The following AKAP6 variants were observed in gnomAD, a reference collection of about 807,000 sequenced individuals.
AKAP6 encodes the protein A-kinase anchoring protein 6.
A neutral mutation model predicts 188.5 loss-of-function variants in AKAP6; 58 were observed. That is an observed-to-expected ratio of 0.31 (90% CI 0.25 to 0.38). The LOEUF is 0.38. Ranked by LOEUF, AKAP6 falls within the 10% of genes least tolerant of loss-of-function variation. The probability of loss-of-function intolerance (pLI) is 1.00; values close to 1 mark genes in which losing one functional copy is unlikely to be tolerated. For missense variants in AKAP6, 2,710 were observed against 2,740.0 expected (o/e 0.99, Z 0.24); for synonymous variants, 989 against 998.6 (o/e 0.99, Z 0.18).
At chr14:32,683,674 C>T (rs1388434700) in intron 8 of AKAP6, among the ~76,000 whole-genome samples, 2 of 152,098 alleles carry the variant, frequency 1.3e-5, no homozygotes, top group African/African-American at 4.8e-5. Context: ...TGGAGGATGG[C>T]CCAGGGTCAG....
At chr14:32,598,678 C>T (rs1045163257) in intron 5 of AKAP6, among the ~76,000 whole-genome samples, 4 of 151,850 alleles carry the variant, frequency 2.6e-5, no homozygotes, top group African/African-American at 7.3e-5. Context: ...ATATAAGGAG[C>T]GGAGAGGGGG....
At chr14:32,828,507 T>A (rs1327044916) in intron 13 of AKAP6, among the ~76,000 whole-genome samples, 3 of 136,314 alleles carry the variant, frequency 2.2e-5, no homozygotes, top group Non-Finnish European at 3.1e-5. Context: ...CTATCATCTA[T>A]CTCTCTCTCT....
intron 7 of AKAP6, among the ~76,000 whole-genome samples, chr14:32,645,458 A>T (rs777259190): frequency 6.6e-6 from 1 of 152,084 alleles, no homozygotes; most frequent in South Asian, 2.1e-4. Flanking sequence ...TTTATTTATT[A>T]ATTTTTTACA....
chr14:32,672,683 G>GGCCA (rs1889261066), intron 7 of AKAP6, among the ~76,000 whole-genome samples: 1 of 151,968 alleles, frequency 6.6e-6, no homozygotes, highest in Non-Finnish European at 1.5e-5. Flanking sequence ...GGGGGTGAGG[G>GGCCA]GACATAATTC....
At position 32,824,201 on chromosome 14, in the gene AKAP6, G is replaced by A. The variant is rs1279261676; in HGVS notation, c.6388G>A (p.Glu2130Lys). 6.2e-7 allele frequency: 1 copy of A among 1,613,928 alleles called. No homozygotes were observed. The highest frequency in any genetic ancestry group is 1.1e-5 in the South Asian group (1 of 91,078). ...TTGTGGGGAGGTCACCAATTACATA[G>A]AAGAGAAAAGCAGCACTCCATTGCC... ...SDCGEVTNYI[E>K]EKSSTPLPLD... Residue 2130 changes from glutamate to lysine, a missense_variant, in exon 13 of 14, where the codon GAA becomes AAA. Around this residue, in one of 2 missense-constraint regions of AKAP6, gnomAD observed 2,473 missense variants for 2,426.1 expected, o/e 1.02. Coordinates refer to ENST00000280979, the MANE Select transcript of AKAP6 (RefSeq NM_004274.5).
At chr14:32,544,895 T>G (rs1047623246) in intron 3 of AKAP6, among the ~76,000 whole-genome samples, 2 of 152,204 alleles carry the variant, frequency 1.3e-5, no homozygotes, top group Non-Finnish European at 2.9e-5. Flanking sequence ...ATTGTATTAC[T>G]TAAGGCTTTG....
chr14:32,750,731 A>ATTTTTTTTTTTT (rs765897477), intron 11 of AKAP6, among the ~76,000 whole-genome samples: 2 of 93,572 alleles, frequency 2.1e-5, no homozygotes, highest in Non-Finnish European at 5.2e-5. Context: ...TCACTAAATT[A>ATTTTTTTTTTTT]ATTTTGTTTT....
chr14:32,561,594 T>G (rs1056442380), intron 4 of AKAP6, among the ~76,000 whole-genome samples: 1 of 152,192 alleles, frequency 6.6e-6, no homozygotes, highest in Non-Finnish European at 1.5e-5. Flanking sequence ...AAGATCCTAA[T>G]GGTAAGTGAA....
chr14:32,462,911 A>AG (rs1566517538), intron 2 of AKAP6, among the ~76,000 whole-genome samples: 1 of 130,828 alleles, frequency 7.6e-6, no homozygotes, highest in African/African-American at 3.3e-5. Context: ...CAAAAAAAAA[A>AG]AAAAAAAAAA....
intron 5 of AKAP6, among the ~76,000 whole-genome samples, chr14:32,583,432 G>C (rs904966593): frequency 6.6e-6 from 1 of 152,194 alleles, no homozygotes; most frequent in Non-Finnish European, 1.5e-5. Context: ...GCTGCTCGGG[G>C]GTCAGGGGTC....
At chr14:32,532,830 C>T (rs1882483089) in intron 2 of AKAP6, among the ~76,000 whole-genome samples, 1 of 152,078 alleles carries the variant, frequency 6.6e-6, no homozygotes, top group Non-Finnish European at 1.5e-5. Flanking sequence ...ACAGTGATAA[C>T]TATAGATGCT....
chr14:32,496,999 A>G (rs982560621), intron 2 of AKAP6, among the ~76,000 whole-genome samples: 1 of 152,122 alleles, frequency 6.6e-6, no homozygotes, highest in African/African-American at 2.4e-5. Context: ...AAAAGAACTT[A>G]TGTTTCTGCC....
intron 12 of AKAP6, among the ~76,000 whole-genome samples, chr14:32,793,203 A>C (rs1379274520): frequency 2.6e-5 from 4 of 152,220 alleles, no homozygotes; most frequent in Admixed American, 1.3e-4. Flanking sequence ...TAAATGGACT[A>C]AATGCCCCAA....
At chr14:32,742,483 T>C (rs1240415743) in intron 11 of AKAP6, among the ~76,000 whole-genome samples, 1 of 151,926 alleles carries the variant, frequency 6.6e-6, no homozygotes, top group Admixed American at 6.6e-5. Context: ...GTTTTTCCTC[T>C]TTTTTTGATG....
At chr14:32,579,838 C>T (rs754056920) in intron 5 of AKAP6, among the ~76,000 whole-genome samples, 5 of 151,990 alleles carry the variant, frequency 3.3e-5, no homozygotes, top group African/African-American at 7.2e-5. Flanking sequence ...TTTAGTTAAC[C>T]GTGCATAAGT....
chr14:32,674,995 G>A (rs80224053), intron 7 of AKAP6, among the ~76,000 whole-genome samples: 9,999 of 152,178 alleles, frequency 0.066, 774 homozygotes, highest in East Asian at 0.42. Context: ...CTAGACTACA[G>A]TAAGTGAAAA....
intron 9 of AKAP6, among the ~76,000 whole-genome samples, chr14:32,720,018 T>A (rs1427993265): frequency 6.6e-6 from 1 of 152,210 alleles, no homozygotes; most frequent in Non-Finnish European, 1.5e-5. Flanking sequence ...TTCAGGCTTC[T>A]TCAGCATTTT....
At chr14:32,817,796 C>A (rs1421969994) in intron 12 of AKAP6, among the ~76,000 whole-genome samples, 2 of 152,078 alleles carry the variant, frequency 1.3e-5, no homozygotes, top group Admixed American at 1.3e-4. Flanking sequence ...ACAACAACAA[C>A]AAAAACAAAC....
intron 1 of AKAP6, among the ~76,000 whole-genome samples, chr14:32,422,827 A>G (rs1362653633): frequency 2.6e-5 from 4 of 152,140 alleles, no homozygotes; most frequent in Non-Finnish European, 5.9e-5. Flanking sequence ...AGATAAAGGT[A>G]ATTCTTCCCT....
Sources: allele counts gnomAD v4.1 joint callset (sites outside exome capture counted in the v4.1 genomes callset), GRCh38; gene constraint gnomAD v4.1.1; regional missense constraint gnomAD v4.1.1; transcripts MANE v1.5; gene names NCBI Gene and HGNC (gene_info 2026-07-23, HGNC 2026-07-21).